Variants in CSMD2 observed in about 807,000 individuals in gnomAD.
The protein encoded by CSMD2 is CUB and sushi domain-containing protein 2.
CSMD2 carries 130 observed loss-of-function variants against 398.5 expected under a neutral mutation model. The ratio of observed to expected loss-of-function variants is 0.33; its 90% confidence interval spans 0.28 to 0.38. The LOEUF (loss-of-function observed/expected upper bound fraction) is 0.38. Among genes scored for constraint, CSMD2 ranks in the 10% least tolerant of loss-of-function variants. The pLI is 1.00. For synonymous variants in CSMD2, 1,828 were observed against 1,908.5 expected (o/e 0.96, Z 1.10); for missense variants, 3,829 against 4,764.9 (o/e 0.80, Z 5.78).
At chr1:33,810,510 C>G (rs543142998) in intron 10 of CSMD2, among the ~76,000 whole-genome samples, 1 of 152,032 alleles carries the variant, frequency 6.6e-6, no homozygotes, top group Non-Finnish European at 1.5e-5. Flanking sequence ...TTTTCTTTTC[C>G]CCTTAAGCTG....
chr1:33,966,686 AGT>A (rs1208720321), intron 3 of CSMD2, among the ~76,000 whole-genome samples: 1 of 152,232 alleles, frequency 6.6e-6, no homozygotes, highest in East Asian at 1.9e-4. Context: ...GTGGATGTTG[AGT>A]TTGATGGTGG....
At chr1:33,716,582 A>T in intron 19 of CSMD2, 81 bp from the exon 20 acceptor site, 1 of 1,006,964 alleles carries the variant, frequency 9.9e-7, no homozygotes. Context: ...CTACACAAAC[A>T]TTTCCAGTTT....
chr1:34,005,905 G>C (rs1486714205), intron 3 of CSMD2, among the ~76,000 whole-genome samples: 1 of 152,180 alleles, frequency 6.6e-6, no homozygotes, highest in Admixed American at 6.5e-5. Context: ...TGTGATGCCT[G>C]AGGTCAGAAA....
intron 29 of CSMD2, among the ~76,000 whole-genome samples, chr1:33,645,052 G>C (rs990702623): frequency 6.6e-6 from 1 of 152,106 alleles, no homozygotes; most frequent in African/African-American, 2.4e-5. Flanking sequence ...TGCTGGCAGT[G>C]GGAAAACACT....
At chr1:33,704,201 T>C (rs1645700760) in intron 22 of CSMD2, among the ~76,000 whole-genome samples, 1 of 152,196 alleles carries the variant, frequency 6.6e-6, no homozygotes, top group Admixed American at 6.5e-5. Flanking sequence ...CCAGAAGCTT[T>C]GTGAATTTTC....
At chr1:33,590,086 T>C (rs897661435) in intron 44 of CSMD2, among the ~76,000 whole-genome samples, 1 of 151,720 alleles carries the variant, frequency 6.6e-6, no homozygotes, top group Non-Finnish European at 1.5e-5. Context: ...TATTTTGTGA[T>C]TACTGTTTTG....
Position 34,103,680 on chromosome 1 carries a change from A to C in CSMD2, c.188-14487T>G, listed in dbSNP as rs115894551. Among the ~76,000 whole-genome samples, 636 of 152,268 alleles carry C rather than the reference A, an allele frequency of 4.2e-3. 5 individuals are homozygous for C. The highest frequency in any genetic ancestry group is 0.015 in the African/African-American group (614 of 41,540). On this transcript the variant is annotated intron_variant, in intron 1 of 70. Coordinates refer to ENST00000373381, the MANE Select transcript of CSMD2 (RefSeq NM_001281956.2). ...ACACTCAGTACACATTTTTAAATGA[A>C]TGAGTGAGTGAAATGAATTAATCTT...
intron 3 of CSMD2, among the ~76,000 whole-genome samples, chr1:33,987,652 CCTT>C (rs2147981847): frequency 6.6e-6 from 1 of 152,308 alleles, no homozygotes; most frequent in East Asian, 1.9e-4. Context: ...ACCCAGATCT[CCTT>C]CATGAGCTTC....
At chr1:33,780,159 G>C (rs1162316231) in intron 12 of CSMD2, among the ~76,000 whole-genome samples, 3 of 152,118 alleles carry the variant, frequency 2.0e-5, no homozygotes, top group African/African-American at 4.8e-5. Context: ...TCCACTCTTT[G>C]TATCTCCAGA....
Position 34,165,004 on chromosome 1 carries a change from C to A in CSMD2, c.94G>T (p.Ala32Ser), listed in dbSNP as rs1641747041. The A allele has an allele frequency of 8.3e-7, 1 of 1,207,942 alleles. No homozygotes were observed. Among genetic ancestry groups the A allele is most frequent in the Non-Finnish European group, 1.0e-6 (1 of 972,938 alleles). The allele number at this position is 1,207,942 out of a possible 1,614,324, so 74.8% of individuals were successfully genotyped here. A position where few individuals can be genotyped will look rare whatever the true frequency, so the allele number is the denominator to read the frequency against. Residue 32 changes from alanine to serine, a missense_variant, in exon 1 of 71, where the codon GCC (alanine) becomes TCC (serine). Physicochemically the swap from Ala to Ser is moderately conservative, Grantham distance 99. Coordinates refer to ENST00000373381, the MANE Select transcript of CSMD2 (RefSeq NM_001281956.2). Reference sequence around the variant, plus strand: ...GGCGGGCGGCCCCAGCGGCTCCCGGCGCCCGGCACAAGCGCCGAAATCCCG... The same window carrying A: ...GGCGGGCGGCCCCAGCGGCTCCCGGAGCCCGGCACAAGCGCCGAAATCCCG... ...ETGISALVPG[A>S]GSRWGRPPPP...
intron 5 of CSMD2, among the ~76,000 whole-genome samples, chr1:33,859,715 T>C (rs1167338032): frequency 6.6e-6 from 1 of 152,216 alleles, no homozygotes; most frequent in Non-Finnish European, 1.5e-5. Context: ...GCATTTGACA[T>C]ACACATGCTT....
At chr1:33,743,177 T>A (rs946344785) in intron 14 of CSMD2, 103 bp downstream of exon 14, 1 of 947,552 alleles carries the variant, frequency 1.1e-6, no homozygotes, top group East Asian at 2.6e-5. Flanking sequence ...CCCTGGGAAC[T>A]GCCCCATCCA....
Position 33,881,773 on chromosome 1 carries a change from G to C in CSMD2, c.921-34777C>G, listed in dbSNP as rs376958041. On this transcript the variant is annotated intron_variant, in intron 5 of 70. Coordinates refer to ENST00000373381, the MANE Select transcript of CSMD2 (RefSeq NM_001281956.2). Reference sequence around the variant, plus strand: ...TATTATAAAACTTAGAAATACAAAAGAACATAAATAATAAAATGCATTAGT... The same window carrying C: ...TATTATAAAACTTAGAAATACAAAACAACATAAATAATAAAATGCATTAGT... Among the ~76,000 whole-genome samples the C allele has an allele frequency of 8.5e-5, 13 of 152,186 alleles. 1 individual carries two copies. Among genetic ancestry groups the C allele is most frequent in the African/African-American group, 2.9e-4 (12 of 41,528 alleles).
intron 15 of CSMD2, among the ~76,000 whole-genome samples, chr1:33,732,426 A>T (rs936754332): frequency 1.3e-5 from 2 of 152,180 alleles, no homozygotes; most frequent in African/African-American, 4.8e-5. Context: ...GGTCATGAGG[A>T]TAGAGCCCTA....
intron 25 of CSMD2, among the ~76,000 whole-genome samples, chr1:33,677,389 T>C (rs1453962233): frequency 1.3e-5 from 2 of 152,254 alleles, no homozygotes; most frequent in Non-Finnish European, 2.9e-5. Context: ...ATCAGAGAAA[T>C]GCAAATCAAA....
intron 6 of CSMD2, among the ~76,000 whole-genome samples, chr1:33,826,189 C>T (rs183338585): frequency 1.4e-3 from 220 of 152,316 alleles, no homozygotes; most frequent in Middle Eastern, 0.01. Context: ...AGTTCTGAGT[C>T]AGCCCTGACA....
chr1:33,907,362 C>G (rs887375055), intron 5 of CSMD2, among the ~76,000 whole-genome samples: 3 of 151,664 alleles, frequency 2.0e-5, no homozygotes, highest in Admixed American at 6.6e-5. Flanking sequence ...CTCCTGACCT[C>G]GTGATCCGCC....
intron 19 of CSMD2, among the ~76,000 whole-genome samples, chr1:33,717,154 C>T (rs1646199366): frequency 6.6e-6 from 1 of 152,076 alleles, no homozygotes. Flanking sequence ...TGTTGAGCAG[C>T]AGCTGGGTGT....
chr1:34,074,216 C>T lies in CSMD2; in HGVS notation c.404+14761G>A, dbSNP rs527420741. On this transcript the variant is annotated intron_variant, in intron 2 of 70. Coordinates refer to ENST00000373381, the MANE Select transcript of CSMD2 (RefSeq NM_001281956.2). ...TATCAGCTATTTGGCAGCTTAGGGG[C>T]CTTACATGCTTGCTTAACTTCTGCA... Among the ~76,000 whole-genome samples the T allele has an allele frequency of 2.6e-5, 4 of 152,312 alleles. No homozygotes were observed. In the South Asian group the frequency reaches 6.2e-4, roughly 24 times the overall value.
Sources: allele counts gnomAD v4.1 joint callset (sites outside exome capture counted in the v4.1 genomes callset), GRCh38; gene constraint gnomAD v4.1.1; transcripts MANE v1.5; gene names NCBI Gene and HGNC (gene_info 2026-07-23, HGNC 2026-07-21).